Variants in NKX1-2 observed in about 807,000 individuals in gnomAD.
NKX1-2 encodes the protein NK1 homeobox 2.
Under a neutral mutation model 4.4 loss-of-function variants are expected in NKX1-2, and 1 was observed. The ratio of observed to expected loss-of-function variants is 0.23; its 90% confidence interval spans 0.08 to 1.08. NKX1-2 has a LOEUF of 1.08. NKX1-2 is among the 50% of genes least tolerant of loss of function. The pLI is 0.55. For missense variants in NKX1-2, 503 were observed against 464.6 expected (o/e 1.08, Z -0.76); for synonymous variants, 235 against 228.0 (o/e 1.03, Z -0.28).
In NKX1-2 at chr10:124,449,094, G is replaced by T. The variant is rs891939109; in HGVS notation, c.214+636C>A. Among the ~76,000 whole-genome samples the T allele has an allele frequency of 6.6e-6, 1 of 152,194 alleles. No individual in the cohort carries two copies. Among genetic ancestry groups the T allele is most frequent in the East Asian group, 1.9e-4 (1 of 5,188 alleles). ...ACCCCTTCATCAGGTGTCCGCCAGC[G>T]TTGGGAGTAATTCAGAAAGGGTTTC... is the stretch of plus-strand genomic sequence containing the variant. On this transcript the variant is annotated intron_variant, in intron 1 of 1. Coordinates refer to ENST00000451024, the MANE Select transcript of NKX1-2 (RefSeq NM_001146340.3). The surrounding 1 kb of genome is among the most constrained non-coding windows in gnomAD (Gnocchi z 7.5).
chr10:124,447,962 C>T lies in NKX1-2; in HGVS notation c.400G>A (p.Gly134Ser). Residue 134 changes from glycine to serine, a missense_variant, in exon 2 of 2, where the codon GGC becomes AGC. Physicochemically the swap from Gly to Ser is moderately conservative, Grantham distance 56 (BLOSUM62 0). Coordinates refer to ENST00000451024, the MANE Select transcript of NKX1-2 (RefSeq NM_001146340.3). Reference protein sequence around the residue: ...ALASGEPCEDGGGGPVRSPPG... With the variant: ...ALASGEPCEDSGGGPVRSPPG... The stretch of plus-strand genomic sequence containing the variant: ...GGGGACCTCACAGGGCCGCCCCCGC[C>T]GTCCTCGCAGGGCTCCCCAGACGCC... 2.8e-6 allele frequency: 4 copies of T among 1,413,512 alleles called. No individual in the cohort carries two copies. 87.6% of individuals were successfully genotyped at this position (1,413,512 alleles called of 1,614,324 possible).
rs983631323 is a variant in NKX1-2, at chr10:124,449,516, G to C, written c.214+214C>G. 1.3e-5 allele frequency: 9 copies of C among 698,796 alleles called. No individual in the cohort carries two copies. The East Asian group carries it at 1.6e-4, about 13-fold the overall frequency. 43.3% of individuals were successfully genotyped at this position (698,796 alleles called of 1,614,324 possible). A position where few individuals can be genotyped will look rare whatever the true frequency, so the allele number is the denominator to read the frequency against. ...TGCGGGTGAGCTTGGCGGGTGAGCA[G>C]GGATGCGGCAAATCCCTGCCCTGTA... is the stretch of plus-strand genomic sequence containing the variant. On this transcript the variant is annotated intron_variant, in intron 1 of 1. Transcript: ENST00000451024. This position sits in a 1 kb window ranked among gnomAD's most constrained non-coding sequence, Gnocchi z 7.5.
Position 124,449,008 on chromosome 10 carries a change from G to T in NKX1-2, c.214+722C>A, listed in dbSNP as rs1035984069. On this transcript the variant is annotated intron_variant, in intron 1 of 1. Transcript: ENST00000451024. The surrounding 1 kb of genome is among the most constrained non-coding windows in gnomAD (Gnocchi z 7.5). ...ACCCTCCAGGGAGCCGCCTTTCCCTGTCTGATCCCAGCAGGACTCCTGCTG... is the reference window on the plus strand; with the variant it reads ...ACCCTCCAGGGAGCCGCCTTTCCCTTTCTGATCCCAGCAGGACTCCTGCTG... Among the ~76,000 whole-genome samples the T allele has an allele frequency of 2.0e-5, 3 of 152,210 alleles. No individual in the cohort carries two copies. Among genetic ancestry groups the T allele is most frequent in the Admixed American group, 6.5e-5 (1 of 15,290 alleles).
chr10:124,447,719 T>G lies in NKX1-2; in HGVS notation c.643A>C (p.Arg215=). ...TQVKIWFQNR[R]TKWKKQNPGA... The stretch of plus-strand genomic sequence containing the variant: ...GGGTTCTGCTTCTTCCACTTGGTCC[T>G]GCGATTCTGGAACCAGATTTTGACC... Residue 215 remains arginine, a synonymous_variant, in exon 2 of 2, where the codon AGG becomes CGG. Transcript: ENST00000451024. 1 of 1,467,426 alleles carries G rather than the reference T, an allele frequency of 6.8e-7. No individual in the cohort carries two copies. Among genetic ancestry groups the G allele is most frequent in the Non-Finnish European group, 9.1e-7 (1 of 1,101,662 alleles). The allele number at this position is 1,467,426 out of a possible 1,614,324, so 90.9% of individuals were successfully genotyped here. A position where few individuals can be genotyped will look rare whatever the true frequency, so the allele number is the denominator to read the frequency against.
Position 124,449,932 on chromosome 10 carries a change from C to T in NKX1-2, c.12G>A (p.Trp4Ter), listed in dbSNP as rs535715034. 2,331 of 1,541,290 alleles carry T rather than the reference C, an allele frequency of 1.5e-3. 4 individuals are homozygous for T. Among genetic ancestry groups the T allele is most frequent in the Non-Finnish European group, 1.9e-3 (2,110 of 1,139,976 alleles). MLA[W>*]QDGGAKAAPS... is the part of the protein sequence containing the mutation. ...GAGCCGCCTTGGCCCCGCCGTCCTG[C>T]CATGCCAGCATGCCCGTCGCCCACG... is the stretch of plus-strand genomic sequence containing the variant. The change falls in exon 1 of 2, where the codon TGG (tryptophan) becomes TGA (stop). Residue 4 changes from tryptophan to a stop codon, truncating the protein, a stop_gained. Coordinates refer to ENST00000451024, the MANE Select transcript of NKX1-2 (RefSeq NM_001146340.3). LOFTEE classifies it high-confidence loss of function. The surrounding 1 kb of genome is among the most constrained non-coding windows in gnomAD (Gnocchi z 7.5).
At position 124,447,609 on chromosome 10, in the gene NKX1-2, G is replaced by GC. The variant is rs1011006333; in HGVS notation, c.752dup (p.Ser252GlnfsTer143). The GC allele has an allele frequency of 1.2e-5, 15 of 1,279,340 alleles. No individual in the cohort carries two copies. Among genetic ancestry groups the GC allele is most frequent in the Middle Eastern group, 2.3e-4 (1 of 4,440 alleles). The allele number at this position is 1,279,340 out of a possible 1,614,324, so 79.2% of individuals were successfully genotyped here. A position where few individuals can be genotyped will look rare whatever the true frequency, so the allele number is the denominator to read the frequency against. On this transcript the variant is annotated frameshift_variant, in exon 2 of 2. Transcript: ENST00000451024. LOFTEE classifies it low-confidence loss of function (END_TRUNC). ...CGCCGGTGCCGGGAGGGCCAGGACT[G>GC]CCCCCCGAGCCGCCGCCGCCGCCGC...
Position 124,447,852 on chromosome 10 carries a change from G to A in NKX1-2, c.510C>T (p.Phe170=). The A allele has an allele frequency of 2.1e-6, 3 of 1,458,776 alleles. No individual in the cohort carries two copies. Among genetic ancestry groups the A allele is most frequent in the Non-Finnish European group, 2.7e-6 (3 of 1,097,282 alleles). 90.4% of individuals were successfully genotyped at this position (1,458,776 alleles called of 1,614,324 possible). Residue 170 remains phenylalanine (F), a synonymous_variant, in exon 2 of 2, where the codon TTC becomes TTT. Transcript: ENST00000451024. ...CCAAGGCCACCAGCTGCTCGTAGGTGAAGGCGGTGCGCGCGCGCCGCGGCT... is the reference window on the plus strand; with the variant it reads ...CCAAGGCCACCAGCTGCTCGTAGGTAAAGGCGGTGCGCGCGCGCCGCGGCT... The part of the protein sequence containing the change: ...CAKPRRARTA[F]TYEQLVALEN...
Position 124,447,955 on chromosome 10 carries a change from C to T in NKX1-2, c.407G>A (p.Gly136Asp), listed in dbSNP as rs1952260403. The change falls in exon 2 of 2, where the codon GGC becomes GAC. Residue 136 changes from glycine (G) to aspartate (D), a missense_variant. Coordinates refer to ENST00000451024, the MANE Select transcript of NKX1-2 (RefSeq NM_001146340.3). ...TCCCGGGGGGGACCTCACAGGGCCG[C>T]CCCCGCCGTCCTCGCAGGGCTCCCC... ...ASGEPCEDGG[G>D]GPVRSPPGSP... The T allele has an allele frequency of 2.1e-6, 3 of 1,411,710 alleles. No individual in the cohort carries two copies. In the South Asian group the frequency reaches 4.6e-5, roughly 22 times the overall value. The allele number at this position is 1,411,710 out of a possible 1,614,324, so 87.4% of individuals were successfully genotyped here.
In NKX1-2 at chr10:124,447,307, C is replaced by T. The variant is rs1952247028; in HGVS notation, c.*122G>A. 4.1e-6 allele frequency: 3 copies of T among 734,874 alleles called. No homozygotes were observed. The highest frequency in any genetic ancestry group is 7.1e-5 in the South Asian group (1 of 14,082). The allele number at this position is 734,874 out of a possible 1,614,324, so 45.5% of individuals were successfully genotyped here. A position where few individuals can be genotyped will look rare whatever the true frequency, so the allele number is the denominator to read the frequency against. ...TGGTGGCCCGCGAGGATCGCGGGTG[C>T]GCGCGGCGGGCAGGGGTGCGCTGAC... is the stretch of plus-strand genomic sequence containing the variant. On this transcript the variant is annotated 3_prime_UTR_variant, in exon 2 of 2. Transcript: ENST00000451024.
Position 124,448,049 on chromosome 10 carries a change from C to T in NKX1-2, c.313G>A (p.Glu105Lys). The change falls in exon 2 of 2, where the codon GAG (glutamate) becomes AAG (lysine). Residue 105 changes from glutamate (E) to lysine (K), a missense_variant. Coordinates refer to ENST00000451024, the MANE Select transcript of NKX1-2 (RefSeq NM_001146340.3). This position sits in a 1 kb window ranked among gnomAD's most constrained non-coding sequence, Gnocchi z 4.1. ...CCCGGCAGCAAGCGCGCAGCCCGCT[C>T]CCGCAGCCGCGGCCTCCTCGGATCC... ...AEDPRRPRLR[E>K]RAARLLPGLA... The T allele has an allele frequency of 6.6e-7, 1 of 1,519,774 alleles. No individual in the cohort carries two copies. The highest frequency in any genetic ancestry group is 8.8e-7 in the Non-Finnish European group (1 of 1,138,950). The allele number at this position is 1,519,774 out of a possible 1,614,324, so 94.1% of individuals were successfully genotyped here.
Position 124,447,336 on chromosome 10 carries a change from C to A in NKX1-2, c.*93G>T. On this transcript the variant is annotated 3_prime_UTR_variant, in exon 2 of 2. Coordinates refer to ENST00000451024, the MANE Select transcript of NKX1-2 (RefSeq NM_001146340.3). ...CGGCGGGCAGGGGTGCGCTGACACCCGCGCACCTGCACCCCCGGTGGAGGA... is the reference window on the plus strand; with the variant it reads ...CGGCGGGCAGGGGTGCGCTGACACCAGCGCACCTGCACCCCCGGTGGAGGA... 1 of 768,990 alleles carries A rather than the reference C, an allele frequency of 1.3e-6. No homozygotes were observed. The highest frequency in any genetic ancestry group is 1.7e-6 in the Non-Finnish European group (1 of 571,598). 47.6% of individuals were successfully genotyped at this position (768,990 alleles called of 1,614,324 possible). A position where few individuals can be genotyped will look rare whatever the true frequency, so the allele number is the denominator to read the frequency against.
chr10:124,447,345 GCACCC>G lies in NKX1-2; in HGVS notation c.*79_*83del. ...GGGGTGCGCTGACACCCGCGCACCTGCACCCCCGGTGGAGGAGCCGAGGGCACACG... is the reference window on the plus strand; with the variant it reads ...GGGGTGCGCTGACACCCGCGCACCTGCCGGTGGAGGAGCCGAGGGCACACG... On this transcript the variant is annotated 3_prime_UTR_variant, in exon 2 of 2. Coordinates refer to ENST00000451024, the MANE Select transcript of NKX1-2 (RefSeq NM_001146340.3). The G allele has an allele frequency of 2.3e-6, 2 of 854,864 alleles. No individual in the cohort carries two copies. Among genetic ancestry groups the G allele is most frequent in the Non-Finnish European group, 3.1e-6 (2 of 647,808 alleles). The allele number at this position is 854,864 out of a possible 1,614,324, so 53.0% of individuals were successfully genotyped here. A position where few individuals can be genotyped will look rare whatever the true frequency, so the allele number is the denominator to read the frequency against.
chr10:124,447,887 TG>T lies in NKX1-2; in HGVS notation c.474del (p.Asn159ThrfsTer36). 7.0e-7 allele frequency: 1 copy of T among 1,429,390 alleles called. No homozygotes were observed. The highest frequency in any genetic ancestry group is 9.2e-7 in the Non-Finnish European group (1 of 1,084,786). 88.5% of individuals were successfully genotyped at this position (1,429,390 alleles called of 1,614,324 possible). On this transcript the variant is annotated frameshift_variant, in exon 2 of 2. Coordinates refer to ENST00000451024, the MANE Select transcript of NKX1-2 (RefSeq NM_001146340.3). LOFTEE classifies it low-confidence loss of function (END_TRUNC). ...CGCGCGCGCCGCGGCTTGGCGCAGTTGGGCTCCAGGCGCCGGCGCCTGGGAC... is the reference window on the plus strand; with the variant it reads ...CGCGCGCGCCGCGGCTTGGCGCAGTTGGCTCCAGGCGCCGGCGCCTGGGAC... ...SPRPRRRRLE[P>X]NCAKPRRART...
In NKX1-2 at chr10:124,448,365, A is replaced by G; in HGVS notation, c.215-218T>C. Reference sequence around the variant, plus strand: ...CAAATCTGCCATCAAGTAGGCGTCCAAGAAATGTACGCCAAATGAATGAAT... The same window carrying G: ...CAAATCTGCCATCAAGTAGGCGTCCGAGAAATGTACGCCAAATGAATGAAT... On this transcript the variant is annotated intron_variant, in intron 1 of 1. Coordinates refer to ENST00000451024, the MANE Select transcript of NKX1-2 (RefSeq NM_001146340.3). The surrounding 1 kb of genome is among the most constrained non-coding windows in gnomAD (Gnocchi z 4.1). 1 of 614,268 alleles carries G rather than the reference A, an allele frequency of 1.6e-6. No homozygotes were observed. Among genetic ancestry groups the G allele is most frequent in the Non-Finnish European group, 2.4e-6 (1 of 420,822 alleles). The allele number at this position is 614,268 out of a possible 1,614,324, so 38.1% of individuals were successfully genotyped here. A position where few individuals can be genotyped will look rare whatever the true frequency, so the allele number is the denominator to read the frequency against.
rs3851562 is a variant in NKX1-2 at position 124,448,234 on chromosome 10, C to A, written c.215-87G>T. 2.5e-5 allele frequency: 34 copies of A among 1,345,772 alleles called. No homozygotes were observed. The East Asian group carries it at 9.3e-4, about 37-fold the overall frequency. 83.4% of individuals were successfully genotyped at this position (1,345,772 alleles called of 1,614,324 possible). On this transcript the variant is annotated intron_variant, in intron 1 of 1. Transcript: ENST00000451024. The surrounding 1 kb of genome is among the most constrained non-coding windows in gnomAD (Gnocchi z 4.1). Reference sequence around the variant, plus strand: ...TCCCTAGAGCAAGCAGCTGTCCCCCCAACCCAACTCTGGGTGCTGCTCCTG... The same window carrying A: ...TCCCTAGAGCAAGCAGCTGTCCCCCAAACCCAACTCTGGGTGCTGCTCCTG...
In NKX1-2 at chr10:124,447,684, G is replaced by A. The variant is rs1469983777; in HGVS notation, c.678C>T (p.Asp226=). The A allele has an allele frequency of 2.1e-6, 3 of 1,412,116 alleles. No individual in the cohort carries two copies. The highest frequency in any genetic ancestry group is 2.8e-6 in the Non-Finnish European group (3 of 1,071,748). 87.5% of individuals were successfully genotyped at this position (1,412,116 alleles called of 1,614,324 possible). The change falls in exon 2 of 2, where the codon GAC becomes GAT. Residue 226 remains aspartate, a synonymous_variant. Coordinates refer to ENST00000451024, the MANE Select transcript of NKX1-2 (RefSeq NM_001146340.3). The stretch of plus-strand genomic sequence containing the variant: ...CGCCACCCCCCACCTGCGCCGCGCC[G>A]TCGGCACCCGGGTTCTGCTTCTTCC... The part of the protein sequence containing the change: ...TKWKKQNPGA[D]GAAQVGGGAP...
In NKX1-2 at chr10:124,448,111, AG is replaced by A. The variant is rs1554873967; in HGVS notation, c.250del (p.Leu84TrpfsTer31). ...AGPGAGQASP[L>X]EGSEAEEEED... ...CTCCTCTTCCGCCTCGGAACCCTCC[AG>A]GGGGGACGCCTGGCCGGCGCCTGGG... On this transcript the variant is annotated frameshift_variant, in exon 2 of 2. Transcript: ENST00000451024. LOFTEE classifies it low-confidence loss of function (END_TRUNC). This position sits in a 1 kb window ranked among gnomAD's most constrained non-coding sequence, Gnocchi z 4.1. The A allele has an allele frequency of 5.3e-6, 8 of 1,510,434 alleles. No homozygotes were observed. The highest frequency in any genetic ancestry group is 4.2e-5 in the Admixed American group (2 of 47,388). The allele number at this position is 1,510,434 out of a possible 1,614,324, so 93.6% of individuals were successfully genotyped here.
Position 124,450,000 on chromosome 10 carries a change from G to A in NKX1-2, c.-57C>T. ...GCGGGGTTGGGGATGGCGCCGCTCGGGCTTGCCTTCGGCTGTGGCTTGGCG... is the reference window on the plus strand; with the variant it reads ...GCGGGGTTGGGGATGGCGCCGCTCGAGCTTGCCTTCGGCTGTGGCTTGGCG... On this transcript the variant is annotated 5_prime_UTR_variant, in exon 1 of 2. Transcript: ENST00000451024. The surrounding 1 kb of genome is among the most constrained non-coding windows in gnomAD (Gnocchi z 7.5). 1 of 1,360,490 alleles carries A rather than the reference G, an allele frequency of 7.4e-7. No individual in the cohort carries two copies. The highest frequency in any genetic ancestry group is 9.8e-7 in the Non-Finnish European group (1 of 1,019,222). 84.3% of individuals were successfully genotyped at this position (1,360,490 alleles called of 1,614,324 possible).
rs3851563 is a variant in NKX1-2 at position 124,448,242 on chromosome 10, C to G, written c.215-95G>C. The G allele has an allele frequency of 0.14, 186,116 of 1,338,832 alleles. 13,582 individuals carry two copies. Among genetic ancestry groups the G allele is most frequent in the Non-Finnish European group, 0.15 (152,458 of 1,048,594 alleles). The allele number at this position is 1,338,832 out of a possible 1,614,324, so 82.9% of individuals were successfully genotyped here. A position where few individuals can be genotyped will look rare whatever the true frequency, so the allele number is the denominator to read the frequency against. The stretch of plus-strand genomic sequence containing the variant: ...GCAAGCAGCTGTCCCCCCAACCCAA[C>G]TCTGGGTGCTGCTCCTGTCCCCACA... On this transcript the variant is annotated intron_variant, in intron 1 of 1. Coordinates refer to ENST00000451024, the MANE Select transcript of NKX1-2 (RefSeq NM_001146340.3). The surrounding 1 kb of genome is among the most constrained non-coding windows in gnomAD (Gnocchi z 4.1).
Sources: allele counts gnomAD v4.1 joint callset (sites outside exome capture counted in the v4.1 genomes callset), GRCh38; gene constraint gnomAD v4.1.1; non-coding constraint Gnocchi (gnomAD v3.1); transcripts MANE v1.5; gene names NCBI Gene and HGNC (gene_info 2026-07-23, HGNC 2026-07-21).